DENND1A: variants seen among roughly 807,000 people sequenced by gnomAD.
DENND1A encodes the protein DENN domain-containing protein 1A.
DENND1A carries 51 observed loss-of-function variants against 113.7 expected under a neutral mutation model. The observed-to-expected ratio is 0.45, with a 90% CI of 0.36 to 0.57. The LOEUF is 0.57. DENND1A is among the 20% of genes least tolerant of loss of function. DENND1A has a pLI of 0.00. For missense variants in DENND1A, 1,258 were observed against 1,395.9 expected (o/e 0.90, Z 1.57); for synonymous variants, 565 against 570.8 (o/e 0.99, Z 0.14).
At chr9:123,646,525 G>A (rs2062339777) in intron 9 of DENND1A, among the ~76,000 whole-genome samples, 1 of 152,028 alleles carries the variant, frequency 6.6e-6, no homozygotes, top group South Asian at 2.1e-4. Context: ...CTTACTGCTG[G>A]AGTAATTTCC....
chr9:123,693,802 C>CAA lies in DENND1A; in HGVS notation c.303-17014_303-17013insTT, dbSNP rs1412447588. 2.0e-4 allele frequency among the ~76,000 whole-genome samples: 21 copies of CAA among 106,176 alleles called. No individual in the cohort carries two copies. In the South Asian group the frequency reaches 6.2e-3, roughly 31 times the overall value. The allele number at this position is 106,176 out of a possible 152,430, so 69.7% of individuals were successfully genotyped here. A position where few individuals can be genotyped will look rare whatever the true frequency, so the allele number is the denominator to read the frequency against. ...GTATATCATCCACAAGTTTCATTAG[C>CAA]TATATTATTATTATTATTATTATTA... On this transcript the variant is annotated intron_variant, in intron 5 of 23. Transcript: ENST00000394215.
intron 4 of DENND1A, among the ~76,000 whole-genome samples, chr9:123,761,389 G>A (rs1209819628): frequency 6.6e-6 from 1 of 152,198 alleles, no homozygotes; most frequent in East Asian, 1.9e-4. Flanking sequence ...AGGGACGCAA[G>A]CTGTTGCCAA....
chr9:123,559,070 A>C (rs563693735), intron 12 of DENND1A, among the ~76,000 whole-genome samples: 1 of 152,304 alleles, frequency 6.6e-6, no homozygotes, highest in South Asian at 2.1e-4. Flanking sequence ...TAAGATCTGA[A>C]GGATGGGTGA....
At chr9:123,693,417 C>T (rs1257999926) in intron 5 of DENND1A, among the ~76,000 whole-genome samples, 2 of 152,188 alleles carry the variant, frequency 1.3e-5, no homozygotes, top group Non-Finnish European at 2.9e-5. Context: ...ACTTCCATCA[C>T]ACCCCATCCA....
At chr9:123,925,343 T>C in intron 1 of DENND1A, among the ~76,000 whole-genome samples, 1 of 152,134 alleles carries the variant, frequency 6.6e-6, no homozygotes, top group Non-Finnish European at 1.5e-5. Context: ...CATGATCCCC[T>C]TGGTGAAGGC....
At chr9:123,901,221 C>A (rs1030148325) in intron 1 of DENND1A, among the ~76,000 whole-genome samples, 1 of 152,110 alleles carries the variant, frequency 6.6e-6, no homozygotes, top group Non-Finnish European at 1.5e-5. Flanking sequence ...GTAGAAAGAG[C>A]CCAGTCAGGA....
chr9:123,716,826 G>A (rs2067006737), intron 5 of DENND1A, among the ~76,000 whole-genome samples: 1 of 152,194 alleles, frequency 6.6e-6, no homozygotes, highest in Non-Finnish European at 1.5e-5. Flanking sequence ...TCACGTACAT[G>A]CTTGACGGGG....
chr9:123,828,908 A>G (rs1839785529), intron 2 of DENND1A, among the ~76,000 whole-genome samples: 1 of 152,230 alleles, frequency 6.6e-6, no homozygotes. Context: ...AAGGACCTAC[A>G]GCAAAGTGAA....
At chr9:123,412,573 T>C (rs1198985493) in intron 19 of DENND1A, among the ~76,000 whole-genome samples, 1 of 152,194 alleles carries the variant, frequency 6.6e-6, no homozygotes. Flanking sequence ...ATAAAATTTG[T>C]CCAAAATGAT....
At chr9:123,591,224 T>A (rs1419088071) in intron 11 of DENND1A, among the ~76,000 whole-genome samples, 5 of 152,168 alleles carry the variant, frequency 3.3e-5, no homozygotes, top group Admixed American at 3.3e-4. Context: ...TATAAAATAA[T>A]ATCAGCTACA....
chr9:123,450,539 T>C (rs894262414), intron 18 of DENND1A, among the ~76,000 whole-genome samples, 154 bp downstream of exon 18: 1 of 152,228 alleles, frequency 6.6e-6, no homozygotes, highest in African/African-American at 2.4e-5. Flanking sequence ...TGAATATTTA[T>C]AACAGTGTGA....
intron 8 of DENND1A, among the ~76,000 whole-genome samples, chr9:123,662,664 G>A (rs867054221): frequency 6.6e-6 from 1 of 152,344 alleles, no homozygotes. Context: ...TCACCAAAAT[G>A]AGGGAGTGAA....
At chr9:123,904,336 T>A (rs1257265691) in intron 1 of DENND1A, among the ~76,000 whole-genome samples, 1 of 151,734 alleles carries the variant, frequency 6.6e-6, no homozygotes, top group African/African-American at 2.4e-5. Flanking sequence ...GGAACGCAGT[T>A]CCTCACCAGC....
chr9:123,822,176 A>G (rs1028725404), intron 2 of DENND1A, among the ~76,000 whole-genome samples: 7 of 152,172 alleles, frequency 4.6e-5, no homozygotes, highest in Non-Finnish European at 8.8e-5. Flanking sequence ...TTTCTATCAA[A>G]CTGATAATAC....
chr9:123,557,277 G>A (rs1409222887), intron 13 of DENND1A, among the ~76,000 whole-genome samples: 3 of 152,218 alleles, frequency 2.0e-5, no homozygotes, highest in Admixed American at 1.3e-4. Flanking sequence ...AGGGAGAGCA[G>A]GTGAGTGTGA....
At chr9:123,407,162 A>AGGGGCGGG (rs2043927161) in intron 20 of DENND1A, among the ~76,000 whole-genome samples, 1 of 3,130 alleles carries the variant, frequency 3.2e-4, no homozygotes, top group South Asian at 9.6e-3. Flanking sequence ...GCAGGGGGGG[A>AGGGGCGGG]GGGGCGGGGG....
chr9:123,901,443 C>A (rs950491917), intron 1 of DENND1A, among the ~76,000 whole-genome samples: 1 of 152,160 alleles, frequency 6.6e-6, no homozygotes, highest in Non-Finnish European at 1.5e-5. Context: ...CCACACTCTG[C>A]GATTCCCAAA....
chr9:123,476,990 AAT>A (rs1462388261), intron 13 of DENND1A, among the ~76,000 whole-genome samples: 6 of 152,162 alleles, frequency 3.9e-5, no homozygotes, highest in Non-Finnish European at 8.8e-5. Flanking sequence ...GTAGGTGGTC[AAT>A]ATGTCAATGA....
chr9:123,531,936 A>G (rs1388498720), intron 13 of DENND1A, among the ~76,000 whole-genome samples: 1 of 152,208 alleles, frequency 6.6e-6, no homozygotes, highest in Non-Finnish European at 1.5e-5. Flanking sequence ...ACAGAAAATC[A>G]TAGCACCAGA....
Sources: allele counts gnomAD v4.1 joint callset (sites outside exome capture counted in the v4.1 genomes callset), GRCh38; gene constraint gnomAD v4.1.1; transcripts MANE v1.5; gene names NCBI Gene and HGNC (gene_info 2026-07-23, HGNC 2026-07-21).